DPP10: variants seen among roughly 807,000 people sequenced by gnomAD.
DPP10 encodes dipeptidyl peptidase like 10.
Under a neutral mutation model 120.9 loss-of-function variants are expected in DPP10, and 33 were observed. The ratio of observed to expected loss-of-function variants is 0.27; its 90% confidence interval spans 0.21 to 0.37. The LOEUF is 0.37. DPP10 is among the 10% of genes least tolerant of loss of function. The probability of loss-of-function intolerance (pLI) is 1.00; values close to 1 mark genes in which losing one functional copy is unlikely to be tolerated. For missense variants in DPP10, 816 were observed against 942.8 expected, an observed-to-expected ratio of 0.87 and a Z score of 1.76; for synonymous variants, 337 against 326.1, an observed-to-expected ratio of 1.03 and a Z score of -0.36.
At chr2:114,948,857 A>G (rs928525099) in intron 1 of DPP10, among the ~76,000 whole-genome samples, 24 of 152,160 alleles carry the variant, frequency 1.6e-4, no homozygotes, top group Non-Finnish European at 8.8e-5. Flanking sequence ...GTTAAAAGCA[A>G]AGGAGAAGCA....
At chr2:115,299,194 C>A (rs2061017198) in intron 1 of DPP10, among the ~76,000 whole-genome samples, 1 of 151,950 alleles carries the variant, frequency 6.6e-6, no homozygotes, top group African/African-American at 2.4e-5. Flanking sequence ...CTGTTCCTAA[C>A]ATTAACATAT....
chr2:115,122,162 G>C (rs1215250970), intron 1 of DPP10, among the ~76,000 whole-genome samples: 1 of 152,172 alleles, frequency 6.6e-6, no homozygotes, highest in Non-Finnish European at 1.5e-5. Context: ...ATGAACCAGT[G>C]CTTACTGGGT....
At chr2:115,800,861 G>A (rs1313665455) in intron 19 of DPP10, among the ~76,000 whole-genome samples, 9 of 152,116 alleles carry the variant, frequency 5.9e-5, no homozygotes, top group African/African-American at 1.2e-4. Context: ...TTTGAAGTCA[G>A]GTAGCGTGAT....
chr2:115,348,134 TC>T (rs1363170137), intron 3 of DPP10, among the ~76,000 whole-genome samples: 2 of 152,102 alleles, frequency 1.3e-5, no homozygotes, highest in Non-Finnish European at 2.9e-5. Context: ...CCTTCCAATA[TC>T]TTAGTCAGTT....
intron 5 of DPP10, among the ~76,000 whole-genome samples, chr2:115,555,856 G>A (rs2080177092): frequency 6.6e-6 from 1 of 152,080 alleles, no homozygotes; most frequent in African/African-American, 2.4e-5. Flanking sequence ...GATGAAATGT[G>A]TATGTTTCTT....
intron 1 of DPP10, among the ~76,000 whole-genome samples, chr2:114,451,742 G>A (rs1678290291): frequency 6.6e-6 from 1 of 152,098 alleles, no homozygotes; most frequent in Admixed American, 6.6e-5. Context: ...AAGCTTAAAT[G>A]CAATACAGCA....
chr2:115,805,206 C>G (rs538586687), intron 19 of DPP10, among the ~76,000 whole-genome samples: 1 of 152,130 alleles, frequency 6.6e-6, no homozygotes, highest in Admixed American at 6.5e-5. Context: ...CAGCGAGGCT[C>G]GGTGGGCTTA....
chr2:114,460,610 A>G (rs1332605876), intron 1 of DPP10, among the ~76,000 whole-genome samples: 1 of 152,206 alleles, frequency 6.6e-6, no homozygotes, highest in Non-Finnish European at 1.5e-5. Context: ...TGGAAAATAT[A>G]GAATACTGTG....
chr2:114,520,999 G>T (rs905434466), intron 1 of DPP10, among the ~76,000 whole-genome samples: 1 of 152,102 alleles, frequency 6.6e-6, no homozygotes, highest in Non-Finnish European at 1.5e-5. Flanking sequence ...CTCTGGTCTA[G>T]AGAGAACTTT....
intron 1 of DPP10, among the ~76,000 whole-genome samples, chr2:115,119,735 C>CT (rs1559117480): frequency 6.6e-6 from 1 of 152,044 alleles, no homozygotes; most frequent in African/African-American, 2.4e-5. Context: ...AAAAGGATGC[C>CT]TCTTGAATAT....
At chr2:115,322,650 A>G (rs986262385) in intron 2 of DPP10, among the ~76,000 whole-genome samples, 1 of 152,322 alleles carries the variant, frequency 6.6e-6, no homozygotes, top group South Asian at 2.1e-4. Flanking sequence ...AATAGTTTCT[A>G]TTACAAACTA....
chr2:115,102,387 G>A (rs2048732137), intron 1 of DPP10, among the ~76,000 whole-genome samples: 1 of 147,218 alleles, frequency 6.8e-6, no homozygotes, highest in South Asian at 2.1e-4. Flanking sequence ...TAACATGGGG[G>A]AGGGGTTTTT....
At chr2:114,464,732 G>A (rs1300374404) in intron 1 of DPP10, among the ~76,000 whole-genome samples, 4 of 152,112 alleles carry the variant, frequency 2.6e-5, no homozygotes, top group Non-Finnish European at 5.9e-5. Flanking sequence ...GAGAGCTGTG[G>A]CTCATGCCTG....
intron 5 of DPP10, among the ~76,000 whole-genome samples, chr2:115,532,219 A>G (rs756404163): frequency 6.6e-6 from 1 of 152,072 alleles, no homozygotes; most frequent in Non-Finnish European, 1.5e-5. Context: ...GTGTTTATCA[A>G]TGTAAACCTC....
intron 5 of DPP10, among the ~76,000 whole-genome samples, chr2:115,635,938 G>C (rs192045883): frequency 6.1e-4 from 93 of 152,278 alleles, no homozygotes; most frequent in Admixed American, 2.4e-3. Context: ...TGTTTTCAAA[G>C]CATCATTGCA....
At chr2:115,219,789 G>T (rs1217705773) in intron 1 of DPP10, among the ~76,000 whole-genome samples, 1 of 152,170 alleles carries the variant, frequency 6.6e-6, no homozygotes, top group African/African-American at 2.4e-5. Context: ...ATTGATTGCA[G>T]CTGACTGCAA....
At chr2:115,053,251 T>G (rs1705648032) in intron 1 of DPP10, among the ~76,000 whole-genome samples, 1 of 152,116 alleles carries the variant, frequency 6.6e-6, no homozygotes, top group African/African-American at 2.4e-5. Context: ...AAACAATATG[T>G]GGTATGTTCA....
intron 9 of DPP10, 46 bp downstream of exon 9, chr2:115,739,939 C>G: frequency 6.3e-7 from 1 of 1,591,066 alleles, no homozygotes; most frequent in South Asian, 1.1e-5. Flanking sequence ...TCTCTCTGCA[C>G]TAGTGACTTG....
chr2:115,746,161 C>G lies in DPP10; in HGVS notation c.928C>G (p.Pro310Ala), dbSNP rs1677945519. 3 of 1,612,384 alleles carry G rather than the reference C, an allele frequency of 1.9e-6. No homozygotes were observed. Among genetic ancestry groups the G allele is most frequent in the Admixed American group, 1.7e-5 (1 of 59,604 alleles). The change falls in exon 10 of 26, where the codon CCA becomes GCA. Residue 310 changes from proline to alanine, a missense_variant. Physicochemically the swap from Pro to Ala is conservative, Grantham distance 27. This residue lies in a region of DPP10 where 592 missense variants were observed against 649.0 expected (regional missense o/e 0.91). Transcript: ENST00000410059. ...ACCAACTCACACTTTGGAGCTCATG[C>G]CACCTGACAGCTTTAAATCAAGGTA... ...YGPTHTLELM[P>A]PDSFKSREYY...
Sources: gnomAD v4.1 joint callset for allele counts (sites outside exome capture counted in the v4.1 genomes callset) on GRCh38, gnomAD v4.1.1 for gene constraint, gnomAD v4.1.1 regional missense constraint, MANE v1.5 for transcripts, NCBI Gene and HGNC (gene_info 2026-07-23, HGNC 2026-07-21) for gene names.